The following RALYL variants were observed in gnomAD, a reference collection of about 807,000 sequenced individuals.
RALYL encodes RNA-binding Raly-like protein.
In RALYL, 29 loss-of-function variants were observed where a neutral mutation model predicts 35.1. That is an observed-to-expected ratio of 0.83 (90% confidence interval 0.61 to 1.13). The LOEUF is 1.13. Among genes scored for constraint, RALYL ranks in the 50% most tolerant of loss-of-function variants. The pLI, the probability that RALYL is intolerant of heterozygous loss-of-function variation, is 0.00. For missense variants in RALYL, 359 were observed against 360.4 expected (o/e 1.00, Z 0.03); for synonymous variants, 120 against 127.6 (o/e 0.94, Z 0.40).
At position 84,223,079 on chromosome 8, in the gene RALYL, CTGCCTTTCCTTTCCTTTCCTTTCCT is replaced by C. The variant is rs1251247384; in HGVS notation, c.-24+38657_-24+38681del. Among the ~76,000 whole-genome samples, 981 of 133,040 alleles carry C rather than the reference CTGCCTTTCCTTTCCTTTCCTTTCCT, an allele frequency of 7.4e-3. 32 individuals are homozygous for C. The highest frequency in any genetic ancestry group is 0.023 in the African/African-American group (838 of 35,678). The allele number at this position is 133,040 out of a possible 152,430, so 87.3% of individuals were successfully genotyped here. ...GCTTCCCTTTCTCTCTCCCTTTGCC[CTGCCTTTCCTTTCCTTTCCTTTCCT>C]TTCCTTTCCTTTCCTTTCCTTTCCT... On this transcript the variant is annotated intron_variant, in intron 1 of 8. Coordinates refer to ENST00000521268, the MANE Select transcript of RALYL (RefSeq NM_173848.7).
intron 1 of RALYL, among the ~76,000 whole-genome samples, chr8:84,503,886 A>G (rs1261216834): frequency 6.6e-6 from 1 of 151,978 alleles, no homozygotes; most frequent in Non-Finnish European, 1.5e-5. Flanking sequence ...ATGAAAACAA[A>G]CCAAAAATAT....
chr8:84,850,633 A>C (rs915847402), intron 5 of RALYL, among the ~76,000 whole-genome samples: 1 of 152,374 alleles, frequency 6.6e-6, no homozygotes, highest in East Asian at 1.9e-4. Context: ...AGTATACTAT[A>C]ATTTAAAACA....
intron 1 of RALYL, among the ~76,000 whole-genome samples, chr8:84,425,243 A>T (rs542019040): frequency 6.8e-4 from 103 of 152,224 alleles, no homozygotes; most frequent in African/African-American, 2.3e-3. Context: ...TGTGGGATAT[A>T]GTCTCGTGGT....
At chr8:84,560,674 T>A (rs2061418947) in intron 2 of RALYL, among the ~76,000 whole-genome samples, 2 of 151,936 alleles carry the variant, frequency 1.3e-5, no homozygotes, top group South Asian at 4.2e-4. Flanking sequence ...GGTAAATTAT[T>A]GTATCAGTGG....
At chr8:84,569,798 T>A (rs1807475192) in intron 2 of RALYL, among the ~76,000 whole-genome samples, 1 of 151,904 alleles carries the variant, frequency 6.6e-6, no homozygotes, top group Non-Finnish European at 1.5e-5. Flanking sequence ...TTCATTTATT[T>A]GCATATGGCT....
At chr8:84,496,800 A>G (rs2056083040) in intron 1 of RALYL, among the ~76,000 whole-genome samples, 1 of 152,148 alleles carries the variant, frequency 6.6e-6, no homozygotes, top group South Asian at 2.1e-4. Flanking sequence ...ACACTAAATA[A>G]TGTAATTGCA....
At chr8:84,437,237 T>C (rs2047835235) in intron 1 of RALYL, among the ~76,000 whole-genome samples, 1 of 152,188 alleles carries the variant, frequency 6.6e-6, no homozygotes, top group South Asian at 2.1e-4. Context: ...TCATGGTATA[T>C]ATGTACAATA....
At chr8:84,781,829 G>T (rs571480933) in intron 3 of RALYL, among the ~76,000 whole-genome samples, 1 of 152,110 alleles carries the variant, frequency 6.6e-6, no homozygotes, top group African/African-American at 2.4e-5. Flanking sequence ...GGTAGTCAAG[G>T]CGAAAACAGG....
At chr8:84,524,344 GA>G (rs1346549747) in intron 1 of RALYL, among the ~76,000 whole-genome samples, 2 of 152,064 alleles carry the variant, frequency 1.3e-5, no homozygotes, top group Non-Finnish European at 2.9e-5. Flanking sequence ...AAAAACACAT[GA>G]AAAAATGCTC....
At chr8:84,578,170 T>A (rs914850224) in intron 2 of RALYL, among the ~76,000 whole-genome samples, 20 of 152,218 alleles carry the variant, frequency 1.3e-4, no homozygotes, top group African/African-American at 4.8e-4. Flanking sequence ...CCATGCACAC[T>A]GGCTGCTGCA....
intron 1 of RALYL, among the ~76,000 whole-genome samples, chr8:84,267,369 T>C (rs1398708378): frequency 1.3e-5 from 2 of 152,192 alleles, no homozygotes; most frequent in Non-Finnish European, 2.9e-5. Context: ...GTGAATTGGC[T>C]GATGAGACTC....
chr8:84,529,635 T>C, intron 2 of RALYL, 58 bp downstream of exon 2: 1 of 1,524,674 alleles, frequency 6.6e-7, no homozygotes, highest in Non-Finnish European at 8.9e-7. Flanking sequence ...GAAATTGTTT[T>C]ATTTCACAAA....
At chr8:84,610,913 T>A (rs1350328733) in intron 2 of RALYL, among the ~76,000 whole-genome samples, 1 of 147,998 alleles carries the variant, frequency 6.8e-6, no homozygotes, top group Non-Finnish European at 1.5e-5. Flanking sequence ...AGCATTTTCT[T>A]ACTTTGTGGC....
chr8:84,889,331 G>A (rs1031401793), intron 8 of RALYL, among the ~76,000 whole-genome samples: 1 of 152,040 alleles, frequency 6.6e-6, no homozygotes, highest in Non-Finnish European at 1.5e-5. Flanking sequence ...TGAGCTCTCT[G>A]GAGGCCTCCA....
chr8:84,906,976 G>T (rs1022628217), intron 8 of RALYL: 4 of 985,096 alleles, frequency 4.1e-6, no homozygotes, highest in Non-Finnish European at 4.8e-6. Context: ...GCCTGCTCCA[G>T]GATAGCCTGA....
At chr8:84,580,899 G>A (rs576135640) in intron 2 of RALYL, among the ~76,000 whole-genome samples, 1 of 152,284 alleles carries the variant, frequency 6.6e-6, no homozygotes, top group Non-Finnish European at 1.5e-5. Context: ...CAGCCTTGAA[G>A]GTAAGTCTTG....
intron 1 of RALYL, among the ~76,000 whole-genome samples, chr8:84,505,660 A>G (rs1408572301): frequency 1.3e-5 from 2 of 151,758 alleles, no homozygotes; most frequent in East Asian, 3.8e-4. Flanking sequence ...TCCATCACCC[A>G]GGTAGGGAGC....
intron 2 of RALYL, among the ~76,000 whole-genome samples, chr8:84,698,069 T>C (rs146580771): frequency 2.0e-5 from 3 of 152,218 alleles, no homozygotes; most frequent in East Asian, 1.9e-4. Flanking sequence ...ACACATGAGA[T>C]AGTGGTATCA....
chr8:84,514,624 C>T (rs2057913345), intron 1 of RALYL, among the ~76,000 whole-genome samples: 1 of 152,150 alleles, frequency 6.6e-6, no homozygotes, highest in African/African-American at 2.4e-5. Flanking sequence ...AGAGCTCTGC[C>T]TCATGAATCA....
Sources: allele counts gnomAD v4.1 joint callset (sites outside exome capture counted in the v4.1 genomes callset), GRCh38; gene constraint gnomAD v4.1.1; transcripts MANE v1.5; gene names NCBI Gene and HGNC (gene_info 2026-07-23, HGNC 2026-07-21).